PLA2G5: variants seen among roughly 807,000 people sequenced by gnomAD.
The protein encoded by PLA2G5 is Ca2+-dependent phospholipase A2.
Under a neutral mutation model 15.9 loss-of-function variants are expected in PLA2G5, and 12 were observed. The observed-to-expected ratio is 0.76, with a 90% CI of 0.48 to 1.23. The LOEUF (loss-of-function observed/expected upper bound fraction) is 1.23. Among genes scored for constraint, PLA2G5 ranks in the 50% most tolerant of loss-of-function variants. The pLI, the probability that PLA2G5 is intolerant of heterozygous loss-of-function variation, is 0.00. For synonymous variants in PLA2G5, 71 were observed against 71.4 expected, an observed-to-expected ratio of 0.99 and a Z score of 0.03; for missense variants, 169 against 177.1, an observed-to-expected ratio of 0.95 and a Z score of 0.26.
At chr1:20,078,126 G>A (rs1460891335) in intron 1 of PLA2G5, among the ~76,000 whole-genome samples, 2 of 152,026 alleles carry the variant, frequency 1.3e-5, no homozygotes, top group African/African-American at 4.8e-5. Context: ...GAGGGAGAGA[G>A]AGTTTCGAGA....
intron 1 of PLA2G5, among the ~76,000 whole-genome samples, chr1:20,049,167 C>A (rs2014060894): frequency 6.6e-6 from 1 of 151,754 alleles, no homozygotes; most frequent in East Asian, 1.9e-4. Flanking sequence ...AAATTTAGTC[C>A]TAGAATAAAA....
intron 2 of PLA2G5, among the ~76,000 whole-genome samples, chr1:20,061,776 G>T (rs990830157): frequency 6.6e-6 from 1 of 152,098 alleles, no homozygotes; most frequent in African/African-American, 2.4e-5. Flanking sequence ...TTTATAAACT[G>T]TTGTACATCT....
At chr1:20,070,630 T>G (rs2015315233) in intron 1 of PLA2G5, among the ~76,000 whole-genome samples, 165 bp downstream of exon 1, 1 of 152,070 alleles carries the variant, frequency 6.6e-6, no homozygotes, top group South Asian at 2.1e-4. Flanking sequence ...GCTAGGGTCC[T>G]TCACCTGTCA....
intron 1 of PLA2G5, among the ~76,000 whole-genome samples, chr1:20,078,010 G>A (rs1249784848): frequency 6.6e-6 from 1 of 152,194 alleles, no homozygotes. Flanking sequence ...GGCAACTCCA[G>A]AGGGCAGGTC....
chr1:20,084,523 T>TCC (rs1286054029), intron 1 of PLA2G5, among the ~76,000 whole-genome samples: 1 of 152,226 alleles, frequency 6.6e-6, no homozygotes, highest in East Asian at 1.9e-4. Flanking sequence ...CATTCTCTGG[T>TCC]CCCTTTTAGC....
chr1:20,066,547 G>A (rs1246715331), upstream of PLA2G5, among the ~76,000 whole-genome samples: 1 of 152,206 alleles, frequency 6.6e-6, no homozygotes, highest in African/African-American at 2.4e-5. Flanking sequence ...TTCCTTACAA[G>A]AGTTGATTGT....
At chr1:20,084,732 G>A (rs1273127652) in intron 1 of PLA2G5, 89 bp from the exon 2 acceptor site, 2 of 841,724 alleles carry the variant, frequency 2.4e-6, no homozygotes, top group African/African-American at 3.3e-5. Flanking sequence ...TGGAATAGAT[G>A]GGGCCTGGTG....
chr1:20,029,344 C>T (rs2012762798), intron 1 of PLA2G5, among the ~76,000 whole-genome samples: 1 of 152,160 alleles, frequency 6.6e-6, no homozygotes, highest in Non-Finnish European at 1.5e-5. Context: ...TGTTCCTCCC[C>T]TGATACGTTC....
At chr1:20,089,961 A>C in intron 4 of PLA2G5, 66 bp downstream of exon 4, 1 of 1,109,856 alleles carries the variant, frequency 9.0e-7, no homozygotes, top group Non-Finnish European at 1.3e-6. Flanking sequence ...GCTGCCCTAG[A>C]GAACAGCCAG....
rs2016543848 is a variant in PLA2G5, at chr1:20,091,049, T to G, written c.*357T>G. The G allele has an allele frequency of 5.1e-6, 1 of 194,742 alleles. No individual in the cohort carries two copies. Among genetic ancestry groups the G allele is most frequent in the Non-Finnish European group, 1.1e-5 (1 of 94,684 alleles). The allele number at this position is 194,742 out of a possible 1,614,324, so 12.1% of individuals were successfully genotyped here. A position where few individuals can be genotyped will look rare whatever the true frequency, so the allele number is the denominator to read the frequency against. On this transcript the variant is annotated 3_prime_UTR_variant, in exon 5 of 5. Transcript: ENST00000375108. ...TGAGATGCACTTACTTCTCAGCTTC[T>G]GCGATCAGATTATCATCACCACCAC... is the stretch of plus-strand genomic sequence containing the variant.
At chr1:20,062,808 G>T (rs1363141521) in intron 2 of PLA2G5, among the ~76,000 whole-genome samples, 1 of 152,114 alleles carries the variant, frequency 6.6e-6, no homozygotes, top group African/African-American at 2.4e-5. Context: ...TGCCTAGGGG[G>T]CCCATTCCAG....
chr1:20,053,574 G>GGGC lies in PLA2G5; in HGVS notation n.277-6056_277-6055insCGG, dbSNP rs1553172798. On this transcript the variant is annotated intron_variant and non_coding_transcript_variant, in intron 1 of 6. Transcript: ENST00000460175. ...TTTTAATTATGTATTACTTTGCGGGGGGGGGGGTGATATGCAAAACTTTCC... is the reference window on the plus strand; with the variant it reads ...TTTTAATTATGTATTACTTTGCGGGGGGCGGGGGGGTGATATGCAAAACTTTCC... Among the ~76,000 whole-genome samples, 3 of 143,230 alleles carry GGGC rather than the reference G, an allele frequency of 2.1e-5. 1 individual carries two copies. Among genetic ancestry groups the GGGC allele is most frequent in the African/African-American group, 7.7e-5 (3 of 38,740 alleles). 94.0% of individuals were successfully genotyped at this position (143,230 alleles called of 152,430 possible).
chr1:20,064,995 C>A (rs577849266), intron 2 of PLA2G5, among the ~76,000 whole-genome samples: 9 of 152,110 alleles, frequency 5.9e-5, no homozygotes, highest in Non-Finnish European at 1.3e-4. Flanking sequence ...CAAAACATGT[C>A]AAACACAAAA....
At chr1:20,043,690 A>G (rs2013739407) in intron 1 of PLA2G5, among the ~76,000 whole-genome samples, 1 of 152,194 alleles carries the variant, frequency 6.6e-6, no homozygotes, top group Non-Finnish European at 1.5e-5. Context: ...GGATAACTAA[A>G]AAAGAGTGCA....
rs1287045452 is a variant in PLA2G5, at chr1:20,091,458, C to G, written c.*766C>G. 6.6e-6 allele frequency among the ~76,000 whole-genome samples: 1 copy of G among 152,182 alleles called. No individual in the cohort carries two copies. Among genetic ancestry groups the G allele is most frequent in the Non-Finnish European group, 1.5e-5 (1 of 68,042 alleles). On this transcript the variant is annotated 3_prime_UTR_variant, in exon 5 of 5. Coordinates refer to ENST00000375108, the MANE Select transcript of PLA2G5 (RefSeq NM_000929.3). ...AGAGGGTGGCATTCAAATCCCAGTG[C>G]TGGCTTCTTCAGCTGTGTGGTCTTG...
chr1:20,086,532 C>T (rs2016300337), intron 3 of PLA2G5, among the ~76,000 whole-genome samples: 1 of 152,162 alleles, frequency 6.6e-6, no homozygotes, highest in Non-Finnish European at 1.5e-5. Flanking sequence ...TCAGCTTGGA[C>T]AACTGAGGCT....
At chr1:20,074,554 A>G (rs1439307793) in intron 1 of PLA2G5, among the ~76,000 whole-genome samples, 1 of 152,208 alleles carries the variant, frequency 6.6e-6, no homozygotes, top group Non-Finnish European at 1.5e-5. Flanking sequence ...TCCAACACTT[A>G]AAGATTAAGT....
rs931849746 is a variant in PLA2G5 at position 20,037,271 on chromosome 1, C to T, written n.276+8562C>T. Among the ~76,000 whole-genome samples, 4 of 152,298 alleles carry T rather than the reference C, an allele frequency of 2.6e-5. No homozygotes were observed. In the East Asian group the frequency reaches 7.7e-4, roughly 29 times the overall value. ...GATCCCTTGATGTGGTGCTCTCCCC[C>T]TTCCTTTAGGGATGGGGCTTCCTGA... On this transcript the variant is annotated intron_variant and non_coding_transcript_variant, in intron 1 of 6. Coordinates refer to the PLA2G5 transcript ENST00000460175.
At chr1:20,062,975 AC>A (rs2014811842) in intron 2 of PLA2G5, among the ~76,000 whole-genome samples, 1 of 152,080 alleles carries the variant, frequency 6.6e-6, no homozygotes, top group African/African-American at 2.4e-5. Flanking sequence ...AGGCTTTACT[AC>A]TGAGAAGATC....
Sources: gnomAD v4.1 joint callset for allele counts (sites outside exome capture counted in the v4.1 genomes callset) on GRCh38, gnomAD v4.1.1 for gene constraint, MANE v1.5 for transcripts, NCBI Gene and HGNC (gene_info 2026-07-23, HGNC 2026-07-21) for gene names.